DLGAP1: variants seen among roughly 807,000 people sequenced by gnomAD.
DLGAP1 encodes disks large-associated protein 1.
In DLGAP1, 11 loss-of-function variants were observed where a neutral mutation model predicts 90.8. That is an observed-to-expected ratio of 0.12 (90% CI 0.08 to 0.20). The LOEUF (loss-of-function observed/expected upper bound fraction) is 0.20, where lower values mean the gene tolerates loss of function less well. Ranked by LOEUF, DLGAP1 falls within the 10% of genes least tolerant of loss-of-function variation. The pLI is 1.00. For missense variants in DLGAP1, 1,050 were observed against 1,333.8 expected (o/e 0.79, Z 3.31); for synonymous variants, 558 against 540.7 (o/e 1.03, Z -0.44).
chr18:4,405,312 T>C (rs1233244912), intron 1 of DLGAP1, among the ~76,000 whole-genome samples: 1 of 152,152 alleles, frequency 6.6e-6, no homozygotes, highest in African/African-American at 2.4e-5. Flanking sequence ...CATATATCAA[T>C]ACAACATAGA....
chr18:3,554,493 A>G (rs1370241882), intron 9 of DLGAP1, among the ~76,000 whole-genome samples: 1 of 152,188 alleles, frequency 6.6e-6, no homozygotes, highest in Non-Finnish European at 1.5e-5. Context: ...CTGCCACGGC[A>G]TTTAAACTAG....
At chr18:3,696,347 TC>T (rs1170898591) in intron 7 of DLGAP1, among the ~76,000 whole-genome samples, 1 of 152,192 alleles carries the variant, frequency 6.6e-6, no homozygotes, top group Non-Finnish European at 1.5e-5. Context: ...CATAAATAGC[TC>T]TTATTATTTT....
chr18:3,979,190 A>G (rs529528850), intron 3 of DLGAP1, among the ~76,000 whole-genome samples: 5 of 152,182 alleles, frequency 3.3e-5, no homozygotes, highest in Non-Finnish European at 5.9e-5. Flanking sequence ...CACAGACTGC[A>G]TTGCATGTAC....
At chr18:3,848,127 CAAAAAAAAAAAAAA>C (rs3862177) in intron 4 of DLGAP1, among the ~76,000 whole-genome samples, 1 of 32,078 alleles carries the variant, frequency 3.1e-5, no homozygotes, top group African/African-American at 1.7e-4. Context: ...GGCCCCGTCT[CAAAAAAAAAAAAAA>C]AAAAAAAAAA....
intron 2 of DLGAP1, among the ~76,000 whole-genome samples, chr18:4,150,597 C>T (rs2076659305): frequency 6.6e-6 from 1 of 152,148 alleles, no homozygotes; most frequent in Non-Finnish European, 1.5e-5. Flanking sequence ...CCACACCCAG[C>T]TAATTTTTGT....
chr18:4,208,810 G>C lies in DLGAP1; in HGVS notation c.-266-57523C>G, dbSNP rs147673536. On this transcript the variant is annotated intron_variant, in intron 1 of 12. Transcript: ENST00000315677. ...AAAAGGGAGAAGGAGAGGTTGGGGG[G>C]GTGGAGAGAGAGAGAATGAATGAGA... 6.9e-3 allele frequency among the ~76,000 whole-genome samples: 1,041 copies of C among 151,818 alleles called. 7 individuals are homozygous for C. Among genetic ancestry groups the C allele is most frequent in the African/African-American group, 0.024 (992 of 41,376 alleles).
At chr18:3,786,451 G>C (rs2065454856) in intron 5 of DLGAP1, among the ~76,000 whole-genome samples, 1 of 152,170 alleles carries the variant, frequency 6.6e-6, no homozygotes, top group African/African-American at 2.4e-5. Context: ...AATTACAGAG[G>C]CACATGTGGG....
chr18:3,987,261 C>G lies in DLGAP1; in HGVS notation c.-73+17855G>C, dbSNP rs184028452. Among the ~76,000 whole-genome samples, 548 of 152,272 alleles carry G rather than the reference C, an allele frequency of 3.6e-3. 1 individual carries two copies. Among genetic ancestry groups the G allele is most frequent in the Middle Eastern group, 0.01 (3 of 294 alleles). Reference sequence around the variant, plus strand: ...ATAGATAGAAATCTGGCCCCACTTCCTGCAGAGCAGCTCCTCTTCCAGGCC... The same window carrying G: ...ATAGATAGAAATCTGGCCCCACTTCGTGCAGAGCAGCTCCTCTTCCAGGCC... On this transcript the variant is annotated intron_variant, in intron 3 of 12. Transcript: ENST00000315677.
intron 7 of DLGAP1, among the ~76,000 whole-genome samples, chr18:3,670,572 CA>C (rs1224995179): frequency 6.6e-6 from 1 of 151,972 alleles, no homozygotes; most frequent in Non-Finnish European, 1.5e-5. Context: ...TTTTCATTTT[CA>C]TTTGGCAAAG....
At chr18:3,932,493 G>A (rs1432622174) in intron 3 of DLGAP1, among the ~76,000 whole-genome samples, 1 of 152,196 alleles carries the variant, frequency 6.6e-6, no homozygotes, top group African/African-American at 2.4e-5. Context: ...TACCCTTGCG[G>A]GGGAGCCTAG....
intron 1 of DLGAP1, among the ~76,000 whole-genome samples, chr18:4,184,610 A>G (rs541546751): frequency 6.8e-4 from 103 of 152,248 alleles, no homozygotes; most frequent in Admixed American, 1.6e-3. Context: ...TATAGAGAGT[A>G]AACACACTAC....
rs752272792 is a variant in DLGAP1, at chr18:3,567,479, T to C, written c.2057+11A>G. ...ATCAAGACAAAAGAGGATGCGTGCA[T>C]GTGGACTTACCACTTCTCTTCTTCT... On this transcript the variant is annotated intron_variant, in intron 9 of 12. Transcript: ENST00000315677. 6.2e-7 allele frequency: 1 copy of C among 1,610,514 alleles called. No individual in the cohort carries two copies.
Position 3,944,169 on chromosome 18 carries a change from C to T in DLGAP1, c.-73+60947G>A, listed in dbSNP as rs575403331. ...ATGAGATTGAAGAAAATGTCTTTAT[C>T]TTTCTAGCTCAGTACTCCTCAAAAT... is the stretch of plus-strand genomic sequence containing the variant. On this transcript the variant is annotated intron_variant, in intron 3 of 12. Coordinates refer to ENST00000315677, the MANE Select transcript of DLGAP1 (RefSeq NM_004746.4). 4.9e-4 allele frequency among the ~76,000 whole-genome samples: 74 copies of T among 152,284 alleles called. 2 individuals carry two copies. Among genetic ancestry groups the T allele is most frequent in the Middle Eastern group, 3.4e-3 (1 of 294 alleles).
chr18:4,057,000 TACATACACACACAC>T (rs1428049945), intron 2 of DLGAP1, among the ~76,000 whole-genome samples: 24 of 94,996 alleles, frequency 2.5e-4, no homozygotes, highest in South Asian at 7.1e-4. Flanking sequence ...CAACTGACCA[TACATACACACACAC>T]ACACACACAC....
chr18:3,713,773 A>C (rs951235666), intron 7 of DLGAP1, among the ~76,000 whole-genome samples: 1 of 152,242 alleles, frequency 6.6e-6, no homozygotes, highest in African/African-American at 2.4e-5. Context: ...CAGAGCACTC[A>C]GGAGAGCCTG....
intron 7 of DLGAP1, among the ~76,000 whole-genome samples, chr18:3,659,630 A>G (rs1266771581): frequency 6.6e-6 from 1 of 151,306 alleles, no homozygotes; most frequent in East Asian, 1.9e-4. Context: ...CAGTGGTGCA[A>G]TCTCGGCTCA....
rs182550098 is a variant in DLGAP1, at chr18:4,033,630, C to T, written c.-158-28429G>A. Among the ~76,000 whole-genome samples the T allele has an allele frequency of 5.6e-4, 86 of 152,216 alleles. 2 individuals carry two copies. Among genetic ancestry groups the T allele is most frequent in the Admixed American group, 5.6e-3 (85 of 15,290 alleles). On this transcript the variant is annotated intron_variant, in intron 2 of 12. Transcript: ENST00000315677. The stretch of plus-strand genomic sequence containing the variant: ...AGCATATGCATTTTCTATATCTCTG[C>T]CAAAATATTTCTATTATCAAATTTA...
intron 5 of DLGAP1, among the ~76,000 whole-genome samples, chr18:3,811,205 T>C (rs748492068): frequency 1.3e-5 from 2 of 152,014 alleles, no homozygotes; most frequent in African/African-American, 2.4e-5. Flanking sequence ...ATAAAATAGG[T>C]GAGTGTGAAA....
intron 3 of DLGAP1, among the ~76,000 whole-genome samples, chr18:3,951,516 T>G (rs1227407010): frequency 2.0e-5 from 3 of 152,244 alleles, no homozygotes; most frequent in African/African-American, 4.8e-5. Context: ...CTGAATTTAA[T>G]TTCAAATGTA....
Sources: gnomAD v4.1 joint callset for allele counts (sites outside exome capture counted in the v4.1 genomes callset) on GRCh38, gnomAD v4.1.1 for gene constraint, MANE v1.5 for transcripts, NCBI Gene and HGNC (gene_info 2026-07-23, HGNC 2026-07-21) for gene names.